The following NUP93 variants were observed in gnomAD, a reference collection of about 807,000 sequenced individuals.
The protein encoded by NUP93 is nucleoporin 93.
A neutral mutation model predicts 107.8 loss-of-function variants in NUP93; 55 were observed. That is an observed-to-expected ratio of 0.51 (90% CI 0.41 to 0.64). NUP93 has a LOEUF of 0.64. Among genes scored for constraint, NUP93 ranks in the 30% least tolerant of loss-of-function variants. The pLI is 0.00. For missense variants in NUP93, 937 were observed against 1,044.7 expected, an observed-to-expected ratio of 0.90 and a Z score of 1.42; for synonymous variants, 390 against 397.5, an observed-to-expected ratio of 0.98 and a Z score of 0.22.
At chr16:56,747,429 A>C (rs1961838891) in intron 1 of NUP93, among the ~76,000 whole-genome samples, 1 of 152,254 alleles carries the variant, frequency 6.6e-6, no homozygotes, top group Non-Finnish European at 1.5e-5. Context: ...CATTTCTAAA[A>C]GTAGCAGGTA....
intron 3 of NUP93, among the ~76,000 whole-genome samples, chr16:56,768,013 A>G (rs116559938): frequency 0.011 from 1,747 of 152,326 alleles, 34 homozygotes; most frequent in African/African-American, 0.039. Flanking sequence ...AAAAAAAGAC[A>G]TGCAAAGTAC....
intron 3 of NUP93, among the ~76,000 whole-genome samples, chr16:56,773,460 CTG>C (rs1962358087): frequency 6.6e-6 from 1 of 152,218 alleles, no homozygotes. Context: ...GATCTCATCT[CTG>C]TCTTTGTATT....
chr16:56,732,820 T>C (rs1961555713), intron 1 of NUP93, among the ~76,000 whole-genome samples: 1 of 152,334 alleles, frequency 6.6e-6, no homozygotes, highest in Middle Eastern at 3.4e-3. Context: ...TCAACAAATA[T>C]GTATCTGATC....
At chr16:56,805,156 C>T (rs1395505249) in intron 4 of NUP93, among the ~76,000 whole-genome samples, 1 of 152,034 alleles carries the variant, frequency 6.6e-6, no homozygotes, top group Non-Finnish European at 1.5e-5. Flanking sequence ...TTCCTGGGCT[C>T]AAGTGATCCT....
intron 3 of NUP93, among the ~76,000 whole-genome samples, chr16:56,795,901 C>T (rs552332035): frequency 1.3e-5 from 2 of 152,246 alleles, no homozygotes; most frequent in Admixed American, 6.5e-5. Flanking sequence ...CCCGCCTTGG[C>T]CTCCCAAAGT....
At chr16:56,744,230 G>A (rs1055871215) in intron 1 of NUP93, among the ~76,000 whole-genome samples, 1 of 152,102 alleles carries the variant, frequency 6.6e-6, no homozygotes, top group Admixed American at 6.6e-5. Context: ...TTCCCCCATA[G>A]ATCATTTTAA....
intron 4 of NUP93, among the ~76,000 whole-genome samples, chr16:56,804,194 G>A (rs1221398069): frequency 6.7e-6 from 1 of 150,298 alleles, no homozygotes; most frequent in African/African-American, 2.5e-5. Flanking sequence ...TTACCTTGCA[G>A]TTCCACTTGC....
At chr16:56,774,700 T>C (rs4371151) in intron 3 of NUP93, among the ~76,000 whole-genome samples, 47,763 of 151,968 alleles carry the variant, frequency 0.31, 7,901 homozygotes, top group East Asian at 0.46. Context: ...TGCTCTTACT[T>C]TATGCTGGTG....
intron 3 of NUP93, among the ~76,000 whole-genome samples, chr16:56,763,987 G>T (rs1446422521): frequency 6.6e-6 from 1 of 152,146 alleles, no homozygotes; most frequent in Non-Finnish European, 1.5e-5. Context: ...AAAAATTAGT[G>T]TTAGGGAAAC....
intron 21 of NUP93, among the ~76,000 whole-genome samples, chr16:56,842,388 T>TG (rs1353859753): frequency 6.6e-6 from 1 of 152,178 alleles, no homozygotes; most frequent in Non-Finnish European, 1.5e-5. Flanking sequence ...CTCTGACACC[T>TG]GTGCCCTTTC....
At chr16:56,777,276 C>T (rs2144512836) in intron 3 of NUP93, among the ~76,000 whole-genome samples, 1 of 152,244 alleles carries the variant, frequency 6.6e-6, no homozygotes, top group South Asian at 2.1e-4. Flanking sequence ...ATTTCTTTCA[C>T]CGAGGTGCAT....
At chr16:56,821,222 T>C (rs1448604083) in intron 6 of NUP93, among the ~76,000 whole-genome samples, 1 of 152,160 alleles carries the variant, frequency 6.6e-6, no homozygotes, top group East Asian at 1.9e-4. Flanking sequence ...TTCCCCTGGG[T>C]GCTTCCTCAC....
chr16:56,796,982 C>CA (rs1384502003), intron 3 of NUP93, among the ~76,000 whole-genome samples: 11 of 150,774 alleles, frequency 7.3e-5, no homozygotes, highest in Non-Finnish European at 1.6e-4. Flanking sequence ...AAAAAAAAAG[C>CA]AAAAACACGA....
chr16:56,798,693 C>A (rs1025028989), intron 4 of NUP93, among the ~76,000 whole-genome samples, 155 bp downstream of exon 4: 4 of 151,970 alleles, frequency 2.6e-5, no homozygotes, highest in Non-Finnish European at 5.9e-5. Context: ...CATAGTGAGA[C>A]CCCATCTTTA....
intron 15 of NUP93, 80 bp downstream of exon 15, chr16:56,834,522 T>C (rs1246654728): frequency 3.5e-6 from 5 of 1,443,656 alleles, no homozygotes; most frequent in Non-Finnish European, 4.8e-6. Flanking sequence ...CGTGTTTACT[T>C]CAATATGGTT....
At chr16:56,759,718 C>A (rs1962089592) in intron 3 of NUP93, among the ~76,000 whole-genome samples, 1 of 151,880 alleles carries the variant, frequency 6.6e-6, no homozygotes, top group Admixed American at 6.6e-5. Context: ...GCCCCCCTCC[C>A]CCGTACAACT....
At position 56,834,383 on chromosome 16, in the gene NUP93, A is replaced by C. The variant is rs369147348; in HGVS notation, c.1678A>C (p.Ser560Arg). The change falls in exon 15 of 22, where the codon AGT (serine) becomes CGT (arginine). Residue 560 changes from serine (S) to arginine (R), a missense_variant. Ser to Arg is a moderately radical substitution (Grantham distance 110, BLOSUM62 -1). Transcript: ENST00000308159. ...TTTCCCTTACAGGGATGAGAAAGAT[A>C]GTCAAGGAGAAAACATGTTTCTGCG... is the stretch of plus-strand genomic sequence containing the variant. ...YFYFLRDEKD[S>R]QGENMFLRCV... The C allele has an allele frequency of 1.7e-5, 27 of 1,614,126 alleles. No individual in the cohort carries two copies. The highest frequency in any genetic ancestry group is 1.0e-4 in the Admixed American group (6 of 60,010).
intron 3 of NUP93, chr16:56,781,663 A>G (rs1282841951): frequency 5.5e-6 from 1 of 180,386 alleles, no homozygotes; most frequent in Non-Finnish European, 1.1e-5. Flanking sequence ...TAACCATGCA[A>G]GATGTCGGAA....
At chr16:56,744,744 G>A (rs1597102620) in intron 1 of NUP93, among the ~76,000 whole-genome samples, 2 of 152,294 alleles carry the variant, frequency 1.3e-5, no homozygotes, top group Admixed American at 1.3e-4. Flanking sequence ...GAAAGCACTA[G>A]TCTGGACCAA....
Sources: allele counts gnomAD v4.1 joint callset (sites outside exome capture counted in the v4.1 genomes callset), GRCh38; gene constraint gnomAD v4.1.1; transcripts MANE v1.5; gene names NCBI Gene and HGNC (gene_info 2026-07-23, HGNC 2026-07-21).